CDKAL1: variants seen among roughly 807,000 people sequenced by gnomAD.
The protein encoded by CDKAL1 is CDKAL1 threonylcarbamoyladenosine tRNA methylthiotransferase, also known as threonylcarbamoyladenosine tRNA methylthiotransferase.
CDKAL1 carries 32 observed loss-of-function variants against 68.2 expected under a neutral mutation model. That is an observed-to-expected ratio of 0.47 (90% confidence interval 0.35 to 0.63). The LOEUF (loss-of-function observed/expected upper bound fraction) is 0.63, where lower values mean the gene tolerates loss of function less well. CDKAL1 is among the 30% of genes least tolerant of loss of function. The pLI, the probability that CDKAL1 is intolerant of heterozygous loss-of-function variation, is 0.00. For synonymous variants in CDKAL1, 234 were observed against 244.3 expected (o/e 0.96, Z 0.39); for missense variants, 606 against 696.7 (o/e 0.87, Z 1.47).
intron 6 of CDKAL1, among the ~76,000 whole-genome samples, chr6:20,751,084 T>C (rs7747724): frequency 0.41 from 61,971 of 151,164 alleles, 12,943 homozygotes; most frequent in Non-Finnish European, 0.43. Flanking sequence ...AGAGTAATTG[T>C]TCAAGAAATG....
intron 11 of CDKAL1, among the ~76,000 whole-genome samples, chr6:21,001,225 A>T (rs946852847): frequency 2.0e-5 from 3 of 152,136 alleles, no homozygotes; most frequent in Non-Finnish European, 4.4e-5. Context: ...CTTAATTAAG[A>T]TACAACTTTT....
At chr6:21,187,451 C>T (rs897583408) in intron 13 of CDKAL1, among the ~76,000 whole-genome samples, 1 of 152,214 alleles carries the variant, frequency 6.6e-6, no homozygotes, top group African/African-American at 2.4e-5. Context: ...GCTTATCCAT[C>T]CTTTCTCATA....
At chr6:20,964,478 C>G (rs578250971) in intron 10 of CDKAL1, among the ~76,000 whole-genome samples, 1 of 152,278 alleles carries the variant, frequency 6.6e-6, no homozygotes, top group Non-Finnish European at 1.5e-5. Context: ...AAAAAAAGAA[C>G]GAAATCATGT....
intron 13 of CDKAL1, among the ~76,000 whole-genome samples, chr6:21,133,880 C>T (rs981722754): frequency 2.1e-4 from 32 of 152,128 alleles, no homozygotes; most frequent in Non-Finnish European, 3.5e-4. Flanking sequence ...TATAGTTTTG[C>T]TGATGTCTCC....
At chr6:21,198,142 G>C (rs1778543694) in intron 14 of CDKAL1, 38 bp downstream of exon 14, 2 of 1,349,616 alleles carry the variant, frequency 1.5e-6, no homozygotes, top group African/African-American at 2.9e-5. Context: ...TTTCTCCAAA[G>C]TGAGAAAGAG....
chr6:20,545,424 G>A (rs1166497785), intron 2 of CDKAL1, among the ~76,000 whole-genome samples: 1 of 151,976 alleles, frequency 6.6e-6, no homozygotes, highest in African/African-American at 2.4e-5. Context: ...ATGCTTTTCA[G>A]TATGTCTTAA....
intron 13 of CDKAL1, among the ~76,000 whole-genome samples, chr6:21,178,506 A>T (rs1310049599): frequency 1.3e-5 from 2 of 152,174 alleles, no homozygotes; most frequent in East Asian, 3.8e-4. Flanking sequence ...ATTTTTCTTA[A>T]CATTTATTTT....
intron 11 of CDKAL1, among the ~76,000 whole-genome samples, chr6:21,005,884 C>T (rs922905071): frequency 2.0e-4 from 30 of 152,138 alleles, no homozygotes; most frequent in African/African-American, 6.5e-4. Context: ...TTTTGCAGGG[C>T]GAGGAGAGAA....
intron 4 of CDKAL1, among the ~76,000 whole-genome samples, chr6:20,621,283 G>A (rs897007481): frequency 3.3e-5 from 5 of 152,114 alleles, no homozygotes; most frequent in Admixed American, 3.3e-4. Context: ...ATTAGCCTGG[G>A]ATATGGGTTA....
At chr6:21,053,929 A>G (rs1332099828) in intron 11 of CDKAL1, among the ~76,000 whole-genome samples, 1 of 151,968 alleles carries the variant, frequency 6.6e-6, no homozygotes, top group East Asian at 1.9e-4. Flanking sequence ...TCATTTTTTA[A>G]CGGTATCTTT....
chr6:20,737,921 G>C (rs1051099141), intron 5 of CDKAL1, among the ~76,000 whole-genome samples: 1 of 152,158 alleles, frequency 6.6e-6, no homozygotes, highest in African/African-American at 2.4e-5. Flanking sequence ...AGAAAATTTT[G>C]ATGTGGCTGT....
At chr6:21,055,969 C>G (rs1030002332) in intron 11 of CDKAL1, among the ~76,000 whole-genome samples, 1 of 152,194 alleles carries the variant, frequency 6.6e-6, no homozygotes, top group African/African-American at 2.4e-5. Flanking sequence ...AATGCTTGAA[C>G]TAATTTACAT....
At chr6:20,659,454 CT>C in intron 5 of CDKAL1, among the ~76,000 whole-genome samples, 1 of 152,200 alleles carries the variant, frequency 6.6e-6, no homozygotes, top group South Asian at 2.1e-4. Context: ...AAAAAGTATC[CT>C]TTTACATGGA....
At chr6:21,166,018 C>T (rs1362522189) in intron 13 of CDKAL1, among the ~76,000 whole-genome samples, 1 of 152,068 alleles carries the variant, frequency 6.6e-6, no homozygotes, top group African/African-American at 2.4e-5. Context: ...CTGTAGTTCC[C>T]GAATCATCAG....
At chr6:20,785,780 A>G (rs1304866701) in intron 8 of CDKAL1, among the ~76,000 whole-genome samples, 2 of 152,196 alleles carry the variant, frequency 1.3e-5, no homozygotes, top group African/African-American at 4.8e-5. Flanking sequence ...TGTAGATTTC[A>G]CTTTCCATAA....
At chr6:20,645,763 TA>T (rs1768420608) in intron 4 of CDKAL1, among the ~76,000 whole-genome samples, 2 of 124,478 alleles carry the variant, frequency 1.6e-5, no homozygotes. Context: ...TAAAAATAAA[TA>T]AATAATTTTA....
chr6:20,803,220 T>G (rs1776437954), intron 8 of CDKAL1, among the ~76,000 whole-genome samples: 1 of 152,186 alleles, frequency 6.6e-6, no homozygotes, highest in East Asian at 1.9e-4. Flanking sequence ...TACCAACTCC[T>G]TAGGGTGGTA....
chr6:20,710,929 G>A (rs555531802), intron 5 of CDKAL1, among the ~76,000 whole-genome samples: 135 of 152,244 alleles, frequency 8.9e-4, no homozygotes, highest in Non-Finnish European at 1.6e-3. Context: ...ATGATTTCTA[G>A]TAAAACATTC....
chr6:20,539,996 G>A lies in CDKAL1; in HGVS notation c.-6+4602G>A, dbSNP rs1041216272. Among the ~76,000 whole-genome samples the A allele has an allele frequency of 5.3e-5, 8 of 151,880 alleles. No individual in the cohort carries two copies. Among genetic ancestry groups the A allele is most frequent in the Non-Finnish European group, 1.5e-5 (1 of 68,000 alleles). On this transcript the variant is annotated intron_variant, in intron 2 of 15. Coordinates refer to ENST00000274695, the MANE Select transcript of CDKAL1 (RefSeq NM_017774.3). This position sits in a 1 kb window ranked among gnomAD's most constrained non-coding sequence, Gnocchi z 4.3. The stretch of plus-strand genomic sequence containing the variant: ...ATTTTGAAGGTACAGCCAACAGGAT[G>A]TTGTTGATTGATTGGATTTAGGGTG...
Sources: allele counts gnomAD v4.1 joint callset (sites outside exome capture counted in the v4.1 genomes callset), GRCh38; gene constraint gnomAD v4.1.1; non-coding constraint Gnocchi (gnomAD v3.1); transcripts MANE v1.5; gene names NCBI Gene and HGNC (gene_info 2026-07-23, HGNC 2026-07-21).